Variants in IL1RAPL1 observed in about 807,000 individuals in gnomAD.
IL1RAPL1 encodes the protein interleukin-1 receptor accessory protein-like 1.
In IL1RAPL1, 3 loss-of-function variants were observed where a neutral mutation model predicts 48.4. The ratio of observed to expected loss-of-function variants is 0.06; its 90% CI spans 0.03 to 0.16. The LOEUF (loss-of-function observed/expected upper bound fraction) is 0.16, where lower values mean the gene tolerates loss of function less well. IL1RAPL1 is among the 10% of genes least tolerant of loss of function. The pLI, the probability that IL1RAPL1 is intolerant of heterozygous loss-of-function variation, is 1.00. For synonymous variants in IL1RAPL1, 185 were observed against 187.7 expected (o/e 0.99, Z 0.12); for missense variants, 349 against 530.6 (o/e 0.66, Z 3.36).
chrX:28,613,369 C>A (rs987632905), intron 1 of IL1RAPL1, among the ~76,000 whole-genome samples: 3 of 112,240 alleles, frequency 2.7e-5, no homozygotes, highest in Non-Finnish European at 3.8e-5. Context: ...ATGTATTAGA[C>A]CAGTGGTTTT....
chrX:29,133,071 G>A (rs2147485650), intron 2 of IL1RAPL1, among the ~76,000 whole-genome samples: 1 of 111,226 alleles, frequency 9.0e-6, no homozygotes, highest in South Asian at 3.7e-4. Flanking sequence ...TTAGTGTAAT[G>A]AGCATACATT....
intron 5 of IL1RAPL1, among the ~76,000 whole-genome samples, chrX:29,591,868 G>C (rs1487314412): frequency 8.9e-6 from 1 of 112,268 alleles, no homozygotes; most frequent in African/African-American, 3.2e-5. Context: ...GTAAGTGAAG[G>C]TCCAGGATCA....
chrX:28,962,735 G>A (rs954451099), intron 2 of IL1RAPL1, among the ~76,000 whole-genome samples: 2 of 110,950 alleles, frequency 1.8e-5, no homozygotes, highest in African/African-American at 6.6e-5. Context: ...TGATTTAAAA[G>A]TATATGGGAA....
intron 1 of IL1RAPL1, among the ~76,000 whole-genome samples, chrX:28,766,017 C>G (rs767972620): frequency 6.7e-4 from 74 of 110,946 alleles, no homozygotes; most frequent in Admixed American, 7.7e-4. Flanking sequence ...ATGTCTGTAC[C>G]CAATAGGAAA....
intron 2 of IL1RAPL1, among the ~76,000 whole-genome samples, chrX:29,213,678 C>T (rs772877589): frequency 8.9e-6 from 1 of 112,841 alleles, no homozygotes; most frequent in South Asian, 3.7e-4. Flanking sequence ...GGGGCATGGA[C>T]ACTGCTTGTT....
At chrX:29,649,933 A>G (rs761379819) in intron 5 of IL1RAPL1, among the ~76,000 whole-genome samples, 4 of 111,969 alleles carry the variant, frequency 3.6e-5, no homozygotes, top group Admixed American at 9.5e-5. Context: ...AAATCAGCAT[A>G]TAATAATTAG....
At chrX:29,487,190 G>T (rs1935106372) in intron 5 of IL1RAPL1, among the ~76,000 whole-genome samples, 1 of 111,883 alleles carries the variant, frequency 8.9e-6, no homozygotes, top group Admixed American at 9.5e-5. Context: ...TTGCCCTGTA[G>T]CTCACATATG....
chrX:29,609,806 AT>A (rs1924033463), intron 5 of IL1RAPL1, among the ~76,000 whole-genome samples: 1 of 112,315 alleles, frequency 8.9e-6, no homozygotes, highest in Admixed American at 9.5e-5. Flanking sequence ...CACCAAACTT[AT>A]TGGGAATGAA....
At chrX:29,682,196 G>A (rs1056608928) in intron 6 of IL1RAPL1, among the ~76,000 whole-genome samples, 2 of 111,234 alleles carry the variant, frequency 1.8e-5, no homozygotes, top group Non-Finnish European at 3.8e-5. Flanking sequence ...AAACTATATC[G>A]TGTTCAGGGT....
At chrX:28,970,559 T>G (rs1925045533) in intron 2 of IL1RAPL1, among the ~76,000 whole-genome samples, 1 of 112,017 alleles carries the variant, frequency 8.9e-6, no homozygotes, top group South Asian at 3.7e-4. Flanking sequence ...CATAAGTTTA[T>G]AACTCCCTAA....
chrX:29,480,437 C>T (rs1935030477), intron 5 of IL1RAPL1, among the ~76,000 whole-genome samples: 1 of 108,033 alleles, frequency 9.3e-6, no homozygotes, highest in African/African-American at 3.4e-5. Context: ...CTTTTGATAT[C>T]CTTCTATGCC....
In IL1RAPL1 at chrX:29,955,688, T is replaced by C. The variant is rs143390107; in HGVS notation, c.1959T>C (p.Pro653=). ...IGNQHTYCNI[P]MTLINGQRPQ... ...ATCAGCATACCTACTGTAACATCCCTATGACACTCATCAACGGGCAGCGGC... is the reference window on the plus strand; with the variant it reads ...ATCAGCATACCTACTGTAACATCCCCATGACACTCATCAACGGGCAGCGGC... Residue 653 remains proline (P), a synonymous_variant, in exon 11 of 11, where the codon CCT becomes CCC. Coordinates refer to ENST00000378993, the MANE Select transcript of IL1RAPL1 (RefSeq NM_014271.4). The C allele has an allele frequency of 3.7e-4, 443 of 1,209,642 alleles. 4 individuals carry two copies. The African/African-American group carries it at 6.6e-3, about 18-fold the overall frequency.
intron 6 of IL1RAPL1, among the ~76,000 whole-genome samples, chrX:29,914,380 G>T (rs1932781839): frequency 9.0e-6 from 1 of 111,565 alleles, no homozygotes; most frequent in Non-Finnish European, 1.9e-5. Context: ...GAGGTCAATC[G>T]GCCTCTCTGC....
intron 9 of IL1RAPL1, among the ~76,000 whole-genome samples, chrX:29,952,886 G>A (rs992358426): frequency 8.9e-6 from 1 of 111,774 alleles, no homozygotes; most frequent in African/African-American, 3.2e-5. Flanking sequence ...AGTTGTTAGT[G>A]CCTTATATAC....
intron 5 of IL1RAPL1, among the ~76,000 whole-genome samples, chrX:29,642,791 A>G (rs924615283): frequency 2.7e-5 from 3 of 112,384 alleles, no homozygotes. Context: ...GTGCTACGGC[A>G]TGAGAAATGT....
intron 2 of IL1RAPL1, among the ~76,000 whole-genome samples, chrX:29,148,313 A>G (rs1166313210): frequency 8.9e-6 from 1 of 111,791 alleles, no homozygotes; most frequent in East Asian, 2.8e-4. Context: ...TTAGTCCTCT[A>G]TTCTCACAAG....
intron 5 of IL1RAPL1, among the ~76,000 whole-genome samples, chrX:29,551,528 A>T (rs192266105): frequency 1.8e-5 from 2 of 111,717 alleles, no homozygotes; most frequent in African/African-American, 6.5e-5. Flanking sequence ...TTAGGGTATC[A>T]ATTTTATTGG....
At chrX:29,346,709 A>G (rs1345240407) in intron 3 of IL1RAPL1, among the ~76,000 whole-genome samples, 1 of 112,339 alleles carries the variant, frequency 8.9e-6, no homozygotes, top group Non-Finnish European at 1.9e-5. Context: ...TGCGAATGTG[A>G]TATATCCTCT....
intron 2 of IL1RAPL1, among the ~76,000 whole-genome samples, chrX:29,015,083 A>G (rs752067956): frequency 1.1e-3 from 127 of 111,322 alleles, no homozygotes; most frequent in Non-Finnish European, 2.1e-3. Flanking sequence ...CAGATGTAGT[A>G]TATTATAATC....
Sources: gnomAD v4.1 joint callset for allele counts (sites outside exome capture counted in the v4.1 genomes callset) on GRCh38, gnomAD v4.1.1 for gene constraint, MANE v1.5 for transcripts, NCBI Gene and HGNC (gene_info 2026-07-23, HGNC 2026-07-21) for gene names.